The following DLG2 variants were observed in gnomAD, a reference collection of about 807,000 sequenced individuals.
DLG2 encodes the protein disks large homolog 2.
Under a neutral mutation model 132.5 loss-of-function variants are expected in DLG2, and 45 were observed. The observed-to-expected ratio is 0.34, with a 90% CI of 0.27 to 0.44. The LOEUF (loss-of-function observed/expected upper bound fraction) is 0.44. Among genes scored for constraint, DLG2 ranks in the 20% least tolerant of loss-of-function variants. The pLI is 1.00. For missense variants in DLG2, 1,045 were observed against 1,196.9 expected (o/e 0.87, Z 1.87); for synonymous variants, 424 against 419.6 (o/e 1.01, Z -0.13).
chr11:84,600,173 A>AAAGAAAGG (rs2154532069), intron 6 of DLG2, among the ~76,000 whole-genome samples: 1 of 129,612 alleles, frequency 7.7e-6, no homozygotes, highest in East Asian at 2.1e-4. Flanking sequence ...AGAAAGAAAG[A>AAAGAAAGG]AAGAAAGAAA....
At chr11:84,686,715 C>T (rs895969492) in intron 6 of DLG2, 3 of 147,504 alleles carry the variant, frequency 2.0e-5, no homozygotes, top group Non-Finnish European at 4.4e-5. Flanking sequence ...TTCTAACAGT[C>T]GATAGTGACT....
chr11:84,542,872 T>C (rs2099379860), intron 6 of DLG2, among the ~76,000 whole-genome samples: 3 of 152,310 alleles, frequency 2.0e-5, no homozygotes, highest in Admixed American at 6.5e-5. Context: ...ACCTTCTTAT[T>C]TTGAGAACAA....
chr11:84,110,163 C>T (rs538435391), intron 9 of DLG2, among the ~76,000 whole-genome samples: 1 of 152,222 alleles, frequency 6.6e-6, no homozygotes, highest in Admixed American at 6.5e-5. Context: ...GAAGTAATCC[C>T]AGGAGAGGTA....
intron 6 of DLG2, among the ~76,000 whole-genome samples, chr11:84,696,086 A>T (rs1383241477): frequency 6.6e-6 from 1 of 151,580 alleles, no homozygotes; most frequent in Admixed American, 6.6e-5. Context: ...AAATTGAATG[A>T]GTAGAACAAA....
chr11:85,071,822 T>G (rs1221196139), intron 6 of DLG2, among the ~76,000 whole-genome samples: 1 of 151,712 alleles, frequency 6.6e-6, no homozygotes, highest in Non-Finnish European at 1.5e-5. Flanking sequence ...AGCCAAAGAG[T>G]TCTTTAAGTA....
chr11:84,320,221 G>A (rs7928787), intron 7 of DLG2, among the ~76,000 whole-genome samples: 30,230 of 152,078 alleles, frequency 0.2, 3,258 homozygotes, highest in East Asian at 0.43. Context: ...CCTGGCACTG[G>A]CTTCATAGAA....
At chr11:85,439,461 G>A (rs575227597) in intron 3 of DLG2, among the ~76,000 whole-genome samples, 8 of 150,554 alleles carry the variant, frequency 5.3e-5, no homozygotes, top group South Asian at 2.1e-4. Flanking sequence ...CCAGGTTCAC[G>A]CCATTCTCCT....
intron 18 of DLG2, among the ~76,000 whole-genome samples, chr11:83,642,222 T>TCA (rs2066781078): frequency 6.6e-6 from 1 of 152,208 alleles, no homozygotes; most frequent in African/African-American, 2.4e-5. Context: ...CTAACGTAAG[T>TCA]GCTTGCTGAA....
At chr11:85,149,309 A>C (rs1368028602) in intron 5 of DLG2, among the ~76,000 whole-genome samples, 2 of 152,120 alleles carry the variant, frequency 1.3e-5, no homozygotes, top group Admixed American at 1.3e-4. Context: ...TTTTGACGGG[A>C]ATAGCATTGA....
intron 5 of DLG2, among the ~76,000 whole-genome samples, chr11:85,152,305 A>C (rs2077308063): frequency 6.7e-6 from 1 of 150,058 alleles, no homozygotes; most frequent in African/African-American, 2.5e-5. Flanking sequence ...CAGTGGCGCT[A>C]TCTCAGCTCA....
At chr11:84,935,877 G>A (rs901876944) in intron 6 of DLG2, among the ~76,000 whole-genome samples, 1 of 152,148 alleles carries the variant, frequency 6.6e-6, no homozygotes, top group African/African-American at 2.4e-5. Flanking sequence ...CCTATCTTCA[G>A]AGTAAAACCT....
chr11:84,743,226 G>C (rs1375504276), intron 6 of DLG2, among the ~76,000 whole-genome samples: 1 of 151,952 alleles, frequency 6.6e-6, no homozygotes, highest in African/African-American at 2.4e-5. Context: ...TAAAGAGAGG[G>C]AACAGTTTAT....
At chr11:83,987,185 T>G (rs553661155) in intron 11 of DLG2, among the ~76,000 whole-genome samples, 72 of 151,998 alleles carry the variant, frequency 4.7e-4, no homozygotes, top group African/African-American at 9.4e-4. Context: ...CACTGCTCAA[T>G]GAAATGAAAG....
chr11:85,539,555 A>G (rs2075823990), intron 3 of DLG2, among the ~76,000 whole-genome samples: 2 of 152,200 alleles, frequency 1.3e-5, no homozygotes, highest in Admixed American at 1.3e-4. Flanking sequence ...GATTATGGAA[A>G]TATTCTGGAG....
At chr11:84,608,027 T>C (rs997862417) in intron 6 of DLG2, among the ~76,000 whole-genome samples, 9 of 152,196 alleles carry the variant, frequency 5.9e-5, no homozygotes, top group African/African-American at 9.6e-5. Flanking sequence ...TGTGTCAAGA[T>C]AGGCTTGAGA....
chr11:83,535,986 C>T (rs1565686604), intron 20 of DLG2, among the ~76,000 whole-genome samples: 1 of 152,230 alleles, frequency 6.6e-6, no homozygotes, highest in East Asian at 1.9e-4. Flanking sequence ...CTGTCCACAG[C>T]CACTCAGTTT....
At chr11:84,630,525 T>C (rs2099629729) in intron 6 of DLG2, among the ~76,000 whole-genome samples, 1 of 152,180 alleles carries the variant, frequency 6.6e-6, no homozygotes, top group South Asian at 2.1e-4. Context: ...CTCTTGATTG[T>C]AGGAACTTAA....
At chr11:85,376,782 G>A (rs2085437805) in intron 3 of DLG2, among the ~76,000 whole-genome samples, 1 of 152,128 alleles carries the variant, frequency 6.6e-6, no homozygotes, top group Non-Finnish European at 1.5e-5. Context: ...ACTTCATCAT[G>A]ATAAGTAAAC....
chr11:84,759,094 T>C lies in DLG2; in HGVS notation c.358-224363A>G, dbSNP rs184004878. Among the ~76,000 whole-genome samples, 689 of 152,220 alleles carry C rather than the reference T, an allele frequency of 4.5e-3. 6 individuals are homozygous for C. The highest frequency in any genetic ancestry group is 0.016 in the African/African-American group (648 of 41,506). ...GGCTTTGCCATGTTGTCCAGGCTGG[T>C]CTTGAACTCCTGGCCTCAAGCAATC... On this transcript the variant is annotated intron_variant, in intron 6 of 27. Transcript: ENST00000376104.
Sources: allele counts gnomAD v4.1 joint callset (sites outside exome capture counted in the v4.1 genomes callset), GRCh38; gene constraint gnomAD v4.1.1; transcripts MANE v1.5; gene names NCBI Gene and HGNC (gene_info 2026-07-23, HGNC 2026-07-21).